The following DNAH17 variants were observed in gnomAD, a reference collection of about 807,000 sequenced individuals.
The protein encoded by DNAH17 is dynein axonemal heavy chain 17, also known as axonemal beta dynein heavy chain 17.
Under a neutral mutation model 485.6 loss-of-function variants are expected in DNAH17, and 376 were observed. The observed-to-expected ratio is 0.77, with a 90% confidence interval of 0.71 to 0.84. DNAH17 has a LOEUF of 0.84. Among genes scored for constraint, DNAH17 ranks in the 40% least tolerant of loss-of-function variants. The pLI is 0.00. For missense variants in DNAH17, 6,370 were observed against 5,839.3 expected (o/e 1.09, Z -2.96); for synonymous variants, 3,031 against 2,405.9 (o/e 1.26, Z -7.60).
intron 30 of DNAH17, among the ~76,000 whole-genome samples, chr17:78,506,366 G>C (rs2146740578): frequency 6.6e-6 from 1 of 152,140 alleles, no homozygotes; most frequent in East Asian, 1.9e-4. Context: ...GGGACCCTGA[G>C]ATTTAACCAG....
intron 7 of DNAH17, 42 bp from the exon 8 acceptor site, chr17:78,569,569 C>T (rs1568270720): frequency 1.3e-6 from 2 of 1,576,616 alleles, no homozygotes; most frequent in Admixed American, 1.8e-5. Context: ...TCCGACAAGC[C>T]ATTTGGGGTG....
At chr17:78,490,602 G>A in intron 44 of DNAH17, 97 bp downstream of exon 44, 1 of 1,473,240 alleles carries the variant, frequency 6.8e-7, no homozygotes, top group Non-Finnish European at 9.1e-7. Flanking sequence ...CACAGTTTGT[G>A]ACATGAATGA....
intron 33 of DNAH17, chr17:78,502,220 C>G (rs2090321795): frequency 2.8e-6 from 1 of 357,610 alleles, no homozygotes; most frequent in African/African-American, 2.1e-5. Context: ...TGCATAAGGG[C>G]CCTGCAGTGT....
chr17:78,573,932 G>T (rs539508347), intron 2 of DNAH17, among the ~76,000 whole-genome samples: 6 of 152,030 alleles, frequency 3.9e-5, no homozygotes, highest in Non-Finnish European at 7.4e-5. Flanking sequence ...CCCAAAGTGT[G>T]TCCCCCCCAC....
chr17:78,550,567 G>A (rs890921239), intron 16 of DNAH17, among the ~76,000 whole-genome samples: 2 of 152,192 alleles, frequency 1.3e-5, no homozygotes, highest in African/African-American at 2.4e-5. Flanking sequence ...ACAGAGGGAG[G>A]ACCCTGTGAA....
intron 14 of DNAH17, among the ~76,000 whole-genome samples, chr17:78,556,926 G>A (rs1475268203): frequency 3.3e-5 from 5 of 152,164 alleles, no homozygotes; most frequent in East Asian, 1.9e-4. Flanking sequence ...AACAGAACAC[G>A]TATGATACCA....
intron 62 of DNAH17, 120 bp from the exon 63 acceptor site, chr17:78,455,956 G>A (rs1159640012): frequency 1.2e-6 from 1 of 812,054 alleles, no homozygotes; most frequent in Non-Finnish European, 1.8e-6. Context: ...CTGGCTCAGT[G>A]GCTCAATGAT....
chr17:78,468,958 A>G (rs934132625), intron 54 of DNAH17, 75 bp from the exon 55 acceptor site: 28 of 1,518,740 alleles, frequency 1.8e-5, no homozygotes, highest in Non-Finnish European at 2.4e-5. Flanking sequence ...ACAACCAACC[A>G]GAGCACAGGG....
At chr17:78,479,741 T>C (rs1338567728) in intron 49 of DNAH17, 109 bp from the exon 50 acceptor site, 3 of 1,486,030 alleles carry the variant, frequency 2.0e-6, no homozygotes, top group Non-Finnish European at 2.7e-6. Context: ...CTAAGGTCTT[T>C]TGGGCATTGT....
Position 78,428,592 on chromosome 17 carries a change from G to C in DNAH17, c.12521C>G (p.Thr4174Ser). ...LTVTSEKLFRTVLEMQPKETD... is the reference protein window; with the variant it reads ...LTVTSEKLFRSVLEMQPKETD... ...CTCTTTTGGCTGCATTTCCAGGACA[G>C]TGCGGAACAGCTTCTCTGAGGTGAC... The change falls in exon 77 of 81, where the codon ACT becomes AGT. Residue 4174 changes from threonine to serine, a missense_variant. By Grantham distance (58) the Thr-to-Ser change is moderately conservative. Coordinates refer to ENST00000389840, the MANE Select transcript of DNAH17 (RefSeq NM_173628.4). 6.2e-7 allele frequency: 1 copy of C among 1,613,964 alleles called. No homozygotes were observed. The highest frequency in any genetic ancestry group is 8.5e-7 in the Non-Finnish European group (1 of 1,179,906).
At chr17:78,515,099 C>T in intron 25 of DNAH17, 77 bp from the exon 26 acceptor site, 2 of 1,541,240 alleles carry the variant, frequency 1.3e-6, no homozygotes, top group Non-Finnish European at 1.8e-6. Flanking sequence ...TACCTTTCTG[C>T]ACTTACTCGC....
chr17:78,466,161 T>A (rs1010074077), intron 56 of DNAH17, among the ~76,000 whole-genome samples: 3 of 152,240 alleles, frequency 2.0e-5, no homozygotes, highest in African/African-American at 7.2e-5. Context: ...AAACATGTGC[T>A]GTGTCCACTC....
intron 56 of DNAH17, among the ~76,000 whole-genome samples, chr17:78,464,641 G>A (rs2088323393): frequency 6.6e-6 from 1 of 152,260 alleles, no homozygotes; most frequent in Admixed American, 6.5e-5. Flanking sequence ...AGGCAATGGT[G>A]TGTGCCCTTG....
intron 67 of DNAH17, 60 bp from the exon 68 acceptor site, chr17:78,450,454 G>T: frequency 6.3e-7 from 1 of 1,594,076 alleles, no homozygotes; most frequent in South Asian, 1.1e-5. Flanking sequence ...ATGAGCAGGT[G>T]GGCTCATTCC....
chr17:78,482,436 T>C (rs577391397), intron 48 of DNAH17, among the ~76,000 whole-genome samples: 1 of 152,232 alleles, frequency 6.6e-6, no homozygotes, highest in South Asian at 2.1e-4. Context: ...ATTTTATACA[T>C]TGCAAATGTT....
chr17:78,487,461 G>C (rs1029675070), intron 44 of DNAH17, among the ~76,000 whole-genome samples: 1 of 152,202 alleles, frequency 6.6e-6, no homozygotes, highest in Non-Finnish European at 1.5e-5. Context: ...CAGGGCCTAA[G>C]CAGGAAGCTC....
At chr17:78,492,789 C>A in intron 41 of DNAH17, 24 bp from the exon 42 acceptor site, 6 of 1,601,486 alleles carry the variant, frequency 3.7e-6, no homozygotes, top group Non-Finnish European at 5.1e-6. Context: ...GGGTCACTCA[C>A]GTGTGACTCC....
At chr17:78,475,164 G>T in intron 54 of DNAH17, 114 bp downstream of exon 54, 3 of 1,199,138 alleles carry the variant, frequency 2.5e-6, no homozygotes, top group Non-Finnish European at 3.5e-6. Context: ...AAGGACTATT[G>T]GTGATGCTCG....
intron 14 of DNAH17, among the ~76,000 whole-genome samples, chr17:78,554,392 G>A (rs566579799): frequency 4.3e-5 from 5 of 115,490 alleles, no homozygotes; most frequent in African/African-American, 9.8e-5. Flanking sequence ...AGCCAAGATC[G>A]CACCACTGCA....
Sources: allele counts gnomAD v4.1 joint callset (sites outside exome capture counted in the v4.1 genomes callset), GRCh38; gene constraint gnomAD v4.1.1; transcripts MANE v1.5; gene names NCBI Gene and HGNC (gene_info 2026-07-23, HGNC 2026-07-21).